RSPH6A: variants seen among roughly 807,000 people sequenced by gnomAD.
The protein encoded by RSPH6A is radial spoke head protein 6 homolog A.
In RSPH6A, 49 loss-of-function variants were observed where a neutral mutation model predicts 66.1. The observed-to-expected ratio is 0.74, with a 90% CI of 0.59 to 0.94. RSPH6A has a LOEUF of 0.94. Ranked by LOEUF, RSPH6A falls within the 40% of genes least tolerant of loss-of-function variation. RSPH6A has a pLI of 0.00. For missense variants in RSPH6A, 977 were observed against 948.3 expected, an observed-to-expected ratio of 1.03 and a Z score of -0.40; for synonymous variants, 419 against 402.4, an observed-to-expected ratio of 1.04 and a Z score of -0.49.
At position 45,815,111 on chromosome 19, in the gene RSPH6A, C is replaced by CTGAGA; in HGVS notation, c.61_65dup (p.Gln22HisfsTer51). The CTGAGA allele has an allele frequency of 1.2e-6, 2 of 1,612,688 alleles. No homozygotes were observed. Among genetic ancestry groups the CTGAGA allele is most frequent in the South Asian group, 2.2e-5 (2 of 91,072 alleles). ...CCCGACTGTGCCGCCTCTGGGAGGCCTGAGAAGTCCTCCGGCCCGGAGGCT... is the reference window on the plus strand; with the variant it reads ...CCCGACTGTGCCGCCTCTGGGAGGCCTGAGATGAGAAGTCCTCCGGCCCGGAGGCT... On this transcript the variant is annotated frameshift_variant, in exon 1 of 6. Coordinates refer to ENST00000221538, the MANE Select transcript of RSPH6A (RefSeq NM_030785.4). LOFTEE classifies it high-confidence loss of function.
Position 45,814,719 on chromosome 19 carries a change from TGGTAGA to T in RSPH6A, c.452_457del (p.Leu151_Tyr152del). On this transcript the variant is annotated inframe_deletion, in exon 1 of 6. Transcript: ENST00000221538. Reference sequence around the variant, plus strand: ...GGCACCTTCAGAGAACTGGTCTGTCTGGTAGAGGTTGAACTGGCCCAAGGGGTTGAC... The same window carrying T: ...GGCACCTTCAGAGAACTGGTCTGTCTGGTTGAACTGGCCCAAGGGGTTGAC... 1.9e-6 allele frequency: 3 copies of T among 1,613,638 alleles called. No individual in the cohort carries two copies. The highest frequency in any genetic ancestry group is 2.5e-6 in the Non-Finnish European group (3 of 1,179,780).
rs765584357 is a variant in RSPH6A at position 45,802,123 on chromosome 19, C to T, written c.1795G>A (p.Ala599Thr). The T allele has an allele frequency of 6.5e-7, 1 of 1,528,578 alleles. No individual in the cohort carries two copies. Among genetic ancestry groups the T allele is most frequent in the South Asian group, 1.3e-5 (1 of 79,792 alleles). The allele number at this position is 1,528,578 out of a possible 1,614,324, so 94.7% of individuals were successfully genotyped here. Residue 599 changes from alanine (A) to threonine (T), a missense_variant, in exon 4 of 6, where the codon GCA becomes ACA. Coordinates refer to ENST00000221538, the MANE Select transcript of RSPH6A (RefSeq NM_030785.4). ...PPLLTPLSED[A>T]EIMHLAPWTT... ...CAGGCTGAGAGGGCTTCCTTACCTG[C>T]ATCTTCTGAAAGTGGCGTTAGCAGT... is the stretch of plus-strand genomic sequence containing the variant.
At position 45,800,431 on chromosome 19, in the gene RSPH6A, T is replaced by C. The variant is rs1568597485; in HGVS notation, c.1916+15A>G. On this transcript the variant is annotated intron_variant, in intron 5 of 5. Transcript: ENST00000221538. ...GAGAGATTCTCCTGCTGGGAGGGGC[T>C]GGGGGAAGACCTACTTGCCACTGGC... 11 of 1,606,850 alleles carry C rather than the reference T, an allele frequency of 6.8e-6. No homozygotes were observed. Among genetic ancestry groups the C allele is most frequent in the Non-Finnish European group, 8.5e-6 (10 of 1,175,096 alleles).
intron 2 of RSPH6A, among the ~76,000 whole-genome samples, chr19:45,806,543 C>T (rs888595881): frequency 1.4e-4 from 21 of 151,260 alleles, no homozygotes; most frequent in African/African-American, 5.1e-4. Context: ...TGGTGGTGGG[C>T]GCCTGTAGTC....
chr19:45,805,271 C>G (rs1970529672), intron 2 of RSPH6A, among the ~76,000 whole-genome samples: 1 of 151,898 alleles, frequency 6.6e-6, no homozygotes, highest in Non-Finnish European at 1.5e-5. Context: ...AAAGCAGGTG[C>G]CTGTAATACC....
chr19:45,797,634 T>C (rs2146280062), intron 5 of RSPH6A, among the ~76,000 whole-genome samples: 1 of 152,012 alleles, frequency 6.6e-6, no homozygotes, highest in South Asian at 2.1e-4. Context: ...CCCAGCACTT[T>C]AGGAGGCCGA....
chr19:45,810,170 T>A (rs1342458736), intron 2 of RSPH6A, among the ~76,000 whole-genome samples: 1 of 143,670 alleles, frequency 7.0e-6, no homozygotes, highest in Non-Finnish European at 1.5e-5. Context: ...TTATTTATTT[T>A]TATTTATTTA....
chr19:45,808,702 C>T (rs1436818366), intron 2 of RSPH6A, among the ~76,000 whole-genome samples: 2 of 141,810 alleles, frequency 1.4e-5, no homozygotes, highest in African/African-American at 5.2e-5. Flanking sequence ...CACTATGTTG[C>T]CCAGGCTGGA....
chr19:45,813,333 C>T (rs1010417934), intron 1 of RSPH6A, among the ~76,000 whole-genome samples: 1 of 152,018 alleles, frequency 6.6e-6, no homozygotes, highest in African/African-American at 2.4e-5. Context: ...TTGGACAGGC[C>T]TTCACTGACC....
chr19:45,808,887 G>A (rs564217735), intron 2 of RSPH6A, among the ~76,000 whole-genome samples: 9 of 151,420 alleles, frequency 5.9e-5, no homozygotes, highest in South Asian at 2.1e-4. Context: ...GGATGGTCTC[G>A]ATCTCCTGAC....
intron 1 of RSPH6A, among the ~76,000 whole-genome samples, chr19:45,811,399 C>T (rs1335477239): frequency 6.6e-6 from 1 of 151,908 alleles, no homozygotes; most frequent in Non-Finnish European, 1.5e-5. Flanking sequence ...CTGAATGGGG[C>T]CTGGGGGTGC....
At position 45,804,713 on chromosome 19, in the gene RSPH6A, T is replaced by TCTCCTGGTC. The variant is rs575344442; in HGVS notation, c.1191_1192insGACCAGGAG (p.Glu397_Lys398insAspGlnGlu). ...GACTTAGGGACGATGTCCACGGCCT[T>TCTCCTGGTC]CTCCTCGTCCTCCTCGCCCTCCTCC... On this transcript the variant is annotated inframe_insertion, in exon 3 of 6. Coordinates refer to ENST00000221538, the MANE Select transcript of RSPH6A (RefSeq NM_030785.4). The surrounding 1 kb of genome is among the most constrained non-coding windows in gnomAD (Gnocchi z 5.8). The TCTCCTGGTC allele has an allele frequency of 1.8e-3, 2,879 of 1,612,646 alleles. 49 individuals carry two copies. In the African/African-American group the frequency reaches 0.033, roughly 19 times the overall value.
At position 45,815,084 on chromosome 19, in the gene RSPH6A, G is replaced by T; in HGVS notation, c.93C>A (p.Asp31Glu). ...SQASQRRHSR[D>E]QAQALAADPE... Reference sequence around the variant, plus strand: ...GGTCCGCTGCCAGGGCCTGAGCTTGGTCCCGACTGTGCCGCCTCTGGGAGG... The same window carrying T: ...GGTCCGCTGCCAGGGCCTGAGCTTGTTCCCGACTGTGCCGCCTCTGGGAGG... Residue 31 changes from aspartate to glutamate, a missense_variant, in exon 1 of 6, where the codon GAC becomes GAA. Coordinates refer to ENST00000221538, the MANE Select transcript of RSPH6A (RefSeq NM_030785.4). 1 of 1,613,336 alleles carries T rather than the reference G, an allele frequency of 6.2e-7. No homozygotes were observed.
At chr19:45,806,515 AC>A (rs1183617055) in intron 2 of RSPH6A, among the ~76,000 whole-genome samples, 1 of 151,632 alleles carries the variant, frequency 6.6e-6, no homozygotes, top group African/African-American at 2.4e-5. Context: ...TACTAAAAAT[AC>A]AAAAATTAGC....
chr19:45,796,833 G>C (rs903878497), intron 5 of RSPH6A, among the ~76,000 whole-genome samples: 1 of 152,010 alleles, frequency 6.6e-6, no homozygotes, highest in African/African-American at 2.4e-5. Context: ...ATTTTTAGTA[G>C]AGAGGGGGTT....
chr19:45,815,211 G>T lies in RSPH6A; in HGVS notation c.-35C>A. The T allele has an allele frequency of 1.3e-6, 2 of 1,530,290 alleles. No individual in the cohort carries two copies. Among genetic ancestry groups the T allele is most frequent in the South Asian group, 2.4e-5 (2 of 83,378 alleles). The allele number at this position is 1,530,290 out of a possible 1,614,324, so 94.8% of individuals were successfully genotyped here. A position where few individuals can be genotyped will look rare whatever the true frequency, so the allele number is the denominator to read the frequency against. On this transcript the variant is annotated 5_prime_UTR_variant, in exon 1 of 6. Coordinates refer to ENST00000221538, the MANE Select transcript of RSPH6A (RefSeq NM_030785.4). ...GGAGGCACAGATCTCTAGGAGAAAGGCTTGCAGACAAGGAGGCCAAGCGAG... is the reference window on the plus strand; with the variant it reads ...GGAGGCACAGATCTCTAGGAGAAAGTCTTGCAGACAAGGAGGCCAAGCGAG...
rs1970512923 is a variant in RSPH6A, at chr19:45,804,437, C to A, written c.1468G>T (p.Ala490Ser). 1 of 1,614,092 alleles carries A rather than the reference C, an allele frequency of 6.2e-7. No individual in the cohort carries two copies. The change falls in exon 3 of 6, where the codon GCC (alanine) becomes TCC (serine). Residue 490 changes from alanine (A) to serine (S), a missense_variant. Ala to Ser is a moderately conservative substitution (Grantham distance 99). Transcript: ENST00000221538. The surrounding 1 kb of genome is among the most constrained non-coding windows in gnomAD (Gnocchi z 5.8). ...CCCAGCGGGCTGACCTGCGTGGCGG[C>A]CGAGATGCGGGCTATCTGGGCCCGC... ...YLRAQIARIS[A>S]ATQVSPLGFY...
At chr19:45,806,956 C>G (rs1018110315) in intron 2 of RSPH6A, among the ~76,000 whole-genome samples, 1 of 148,004 alleles carries the variant, frequency 6.8e-6, no homozygotes, top group African/African-American at 2.5e-5. Flanking sequence ...GTGCAGTGAT[C>G]TGATCTCAGC....
At chr19:45,813,064 T>C (rs139030479) in intron 1 of RSPH6A, among the ~76,000 whole-genome samples, 10 of 152,166 alleles carry the variant, frequency 6.6e-5, no homozygotes, top group African/African-American at 1.9e-4. Flanking sequence ...TGGGGAGCCA[T>C]AGCAGGTTCT....
Sources: gnomAD v4.1 joint callset for allele counts (sites outside exome capture counted in the v4.1 genomes callset) on GRCh38, gnomAD v4.1.1 for gene constraint, Gnocchi (gnomAD v3.1) non-coding constraint, MANE v1.5 for transcripts, NCBI Gene and HGNC (gene_info 2026-07-23, HGNC 2026-07-21) for gene names.